Variants in IMMP2L observed in about 807,000 individuals in gnomAD.
IMMP2L encodes the protein mitochondrial inner membrane protease subunit 2.
Under a neutral mutation model 19.3 loss-of-function variants are expected in IMMP2L, and 18 were observed. The ratio of observed to expected loss-of-function variants is 0.93; its 90% CI spans 0.64 to 1.38. IMMP2L has a LOEUF of 1.38. Ranked by LOEUF, IMMP2L falls within the 40% of genes most tolerant of loss-of-function variation. IMMP2L has a pLI of 0.00. For missense variants in IMMP2L, 233 were observed against 218.2 expected, an observed-to-expected ratio of 1.07 and a Z score of -0.43; for synonymous variants, 76 against 73.0, an observed-to-expected ratio of 1.04 and a Z score of -0.21.
intron 5 of IMMP2L, among the ~76,000 whole-genome samples, chr7:110,785,026 TAAG>T (rs1799976523): frequency 6.6e-6 from 1 of 151,924 alleles, no homozygotes. Context: ...TACTCAGAAA[TAAG>T]GTTAATTTTA....
chr7:110,836,782 T>C (rs1446398971), intron 5 of IMMP2L, among the ~76,000 whole-genome samples: 1 of 152,188 alleles, frequency 6.6e-6, no homozygotes, highest in Non-Finnish European at 1.5e-5. Context: ...TGTGGTATAA[T>C]GAAACATAAA....
At chr7:111,487,801 G>A (rs1338798673) in intron 2 of IMMP2L, among the ~76,000 whole-genome samples, 1 of 152,038 alleles carries the variant, frequency 6.6e-6, no homozygotes, top group African/African-American at 2.4e-5. Flanking sequence ...ACTGAAGGGG[G>A]CAAAAGAAAG....
chr7:111,192,486 G>A (rs533474539), intron 3 of IMMP2L, among the ~76,000 whole-genome samples: 5 of 152,010 alleles, frequency 3.3e-5, no homozygotes, highest in Admixed American at 6.5e-5. Context: ...TTTTCTTTTC[G>A]CTTCTTCCAA....
intron 5 of IMMP2L, among the ~76,000 whole-genome samples, chr7:110,686,684 T>C (rs981380157): frequency 6.6e-6 from 1 of 152,082 alleles, no homozygotes; most frequent in African/African-American, 2.4e-5. Context: ...CTAATTAGTT[T>C]ACAGATTTTT....
chr7:111,559,159 C>A (rs761464480), intron 1 of IMMP2L, among the ~76,000 whole-genome samples: 1 of 152,158 alleles, frequency 6.6e-6, no homozygotes, highest in East Asian at 1.9e-4. Context: ...CTATAATCTA[C>A]TGACAAAACA....
chr7:111,203,003 T>C (rs906425051), intron 3 of IMMP2L, among the ~76,000 whole-genome samples: 1 of 152,162 alleles, frequency 6.6e-6, no homozygotes, highest in Non-Finnish European at 1.5e-5. Context: ...GGAAGTAATC[T>C]ACCCTCTGTA....
intron 3 of IMMP2L, among the ~76,000 whole-genome samples, chr7:111,281,176 AAG>A (rs1399436258): frequency 0.073 from 4,674 of 64,426 alleles, 223 homozygotes; most frequent in South Asian, 0.15. Flanking sequence ...GAAAGAAAGA[AAG>A]AAAGAAAGAA....
chr7:110,816,514 G>T (rs1048048856), intron 5 of IMMP2L, among the ~76,000 whole-genome samples: 1 of 151,318 alleles, frequency 6.6e-6, no homozygotes, highest in Non-Finnish European at 1.5e-5. Context: ...CAATTCCTGG[G>T]TATCCTTGTT....
intron 3 of IMMP2L, among the ~76,000 whole-genome samples, chr7:111,316,108 T>TA (rs1202250356): frequency 5.3e-5 from 8 of 151,956 alleles, no homozygotes; most frequent in Non-Finnish European, 7.4e-5. Flanking sequence ...TATCTAAACA[T>TA]AAAAAAGGTA....
chr7:111,138,301 A>G (rs1326895544), intron 3 of IMMP2L, among the ~76,000 whole-genome samples: 2 of 152,186 alleles, frequency 1.3e-5, no homozygotes, highest in Admixed American at 6.5e-5. Flanking sequence ...TTCTTCTGCT[A>G]TTGTCACTTC....
chr7:110,696,495 C>T lies in IMMP2L; in HGVS notation c.409-32774G>A, dbSNP rs568260036. On this transcript the variant is annotated intron_variant, in intron 5 of 5. Coordinates refer to ENST00000405709, the MANE Select transcript of IMMP2L (RefSeq NM_032549.4). ...AGGCTGGAATGTAATGGTACGATCT[C>T]GGCCCACCGCAATCTCGGCCTCCCA... 3.6e-5 allele frequency among the ~76,000 whole-genome samples: 5 copies of T among 140,396 alleles called. No individual in the cohort carries two copies. In the South Asian group the frequency reaches 6.7e-4, roughly 19 times the overall value. The allele number at this position is 140,396 out of a possible 152,430, so 92.1% of individuals were successfully genotyped here. A position where few individuals can be genotyped will look rare whatever the true frequency, so the allele number is the denominator to read the frequency against.
chr7:110,943,376 G>C (rs1312244560), intron 4 of IMMP2L, among the ~76,000 whole-genome samples: 2 of 151,998 alleles, frequency 1.3e-5, no homozygotes, highest in Non-Finnish European at 2.9e-5. Flanking sequence ...AAAGACTTTA[G>C]TAGAGTGTAT....
At chr7:110,719,386 A>AT (rs1795431455) in intron 5 of IMMP2L, among the ~76,000 whole-genome samples, 1 of 152,182 alleles carries the variant, frequency 6.6e-6, no homozygotes, top group African/African-American at 2.4e-5. Context: ...ACTAATTTTA[A>AT]TTTTAGTTAC....
chr7:111,201,730 GA>G (rs1304191263), intron 3 of IMMP2L, among the ~76,000 whole-genome samples: 2 of 149,840 alleles, frequency 1.3e-5, no homozygotes, highest in East Asian at 2.0e-4. Context: ...AAAAAAAAAG[GA>G]AAAAAAAAGA....
intron 3 of IMMP2L, among the ~76,000 whole-genome samples, chr7:111,144,394 G>A (rs987194840): frequency 1.4e-4 from 21 of 152,016 alleles, no homozygotes; most frequent in African/African-American, 4.3e-4. Context: ...CTTAGAGTTC[G>A]AAAGTCACAT....
intron 3 of IMMP2L, among the ~76,000 whole-genome samples, chr7:111,445,417 C>CATAA (rs1838241477): frequency 6.6e-6 from 1 of 151,336 alleles, no homozygotes; most frequent in South Asian, 2.1e-4. Context: ...CACAAACATA[C>CATAA]ATACATACAT....
intron 3 of IMMP2L, among the ~76,000 whole-genome samples, chr7:111,349,030 GCAGAACA>G (rs1253908938): frequency 6.6e-6 from 1 of 152,082 alleles, no homozygotes; most frequent in Non-Finnish European, 1.5e-5. Flanking sequence ...CAGCTTGCAT[GCAGAACA>G]CATCAGAGGC....
intron 3 of IMMP2L, among the ~76,000 whole-genome samples, chr7:111,203,631 T>A (rs1810394023): frequency 6.7e-6 from 1 of 149,930 alleles, no homozygotes; most frequent in African/African-American, 2.5e-5. Context: ...ATTAGATTCA[T>A]GATGCTACTT....
At chr7:111,557,911 G>C (rs554542086) in intron 1 of IMMP2L, among the ~76,000 whole-genome samples, 16 of 149,112 alleles carry the variant, frequency 1.1e-4, no homozygotes, top group Non-Finnish European at 1.8e-4. Context: ...TTTGAGTATA[G>C]AAAAAAAAAC....
Sources: gnomAD v4.1 joint callset for allele counts (sites outside exome capture counted in the v4.1 genomes callset) on GRCh38, gnomAD v4.1.1 for gene constraint, MANE v1.5 for transcripts, NCBI Gene and HGNC (gene_info 2026-07-23, HGNC 2026-07-21) for gene names.